The following ACSS3 variants were observed in gnomAD, a reference collection of about 807,000 sequenced individuals.
ACSS3 encodes the protein acyl-CoA synthetase short-chain family member 3, mitochondrial.
Under a neutral mutation model 84.2 loss-of-function variants are expected in ACSS3, and 64 were observed. The observed-to-expected ratio is 0.76, with a 90% CI of 0.62 to 0.94. ACSS3 has a LOEUF of 0.94. Ranked by LOEUF, ACSS3 falls within the 40% of genes least tolerant of loss-of-function variation. ACSS3 has a pLI of 0.00. For synonymous variants in ACSS3, 317 were observed against 310.1 expected, an observed-to-expected ratio of 1.02 and a Z score of -0.23; for missense variants, 815 against 867.6, an observed-to-expected ratio of 0.94 and a Z score of 0.76.
chr12:81,165,633 G>A (rs912506438), intron 7 of ACSS3, among the ~76,000 whole-genome samples: 2 of 150,028 alleles, frequency 1.3e-5, no homozygotes, highest in African/African-American at 4.9e-5. Context: ...GCAACAGAGC[G>A]AGACTCTGTC....
intron 8 of ACSS3, among the ~76,000 whole-genome samples, chr12:81,177,906 C>T (rs921234181): frequency 3.3e-5 from 5 of 152,162 alleles, no homozygotes; most frequent in Admixed American, 1.3e-4. Context: ...GTCAGTGTGG[C>T]GATTCCTCAG....
At chr12:81,102,383 C>T (rs542669700) in intron 1 of ACSS3, among the ~76,000 whole-genome samples, 107 of 152,268 alleles carry the variant, frequency 7.0e-4, no homozygotes, top group African/African-American at 2.5e-3. Context: ...GAAAATTACA[C>T]TCTAGGCCCA....
chr12:81,080,577 G>A (rs1420092634), intron 1 of ACSS3, among the ~76,000 whole-genome samples: 2 of 152,078 alleles, frequency 1.3e-5, no homozygotes, highest in African/African-American at 2.4e-5. Flanking sequence ...GGTTGGGCAA[G>A]CAGGGTTGGG....
Position 81,226,341 on chromosome 12 carries a change from T to C in ACSS3, c.1515-4716T>C, listed in dbSNP as rs2033269683. Reference sequence around the variant, plus strand: ...TTTTTTCCTCAGTGGAGTTTTTTCTTTGATATTTCTGCAACACTGATATTT... The same window carrying C: ...TTTTTTCCTCAGTGGAGTTTTTTCTCTGATATTTCTGCAACACTGATATTT... On this transcript the variant is annotated intron_variant, in intron 11 of 15. Coordinates refer to ENST00000548058, the MANE Select transcript of ACSS3 (RefSeq NM_024560.4). Among the ~76,000 whole-genome samples the C allele has an allele frequency of 4.6e-5, 7 of 151,948 alleles. No homozygotes were observed. In the South Asian group the frequency reaches 1.5e-3, roughly 31 times the overall value.
intron 8 of ACSS3, among the ~76,000 whole-genome samples, chr12:81,182,931 T>C (rs545192619): frequency 1.3e-5 from 2 of 152,252 alleles, no homozygotes; most frequent in Admixed American, 6.5e-5. Flanking sequence ...TGTATTTTCT[T>C]AGAAGCTTCA....
At position 81,254,948 on chromosome 12, in the gene ACSS3, G is replaced by T; in HGVS notation, c.*26G>T. 1 of 1,518,358 alleles carries T rather than the reference G, an allele frequency of 6.6e-7. No individual in the cohort carries two copies. Among genetic ancestry groups the T allele is most frequent in the Non-Finnish European group, 8.9e-7 (1 of 1,121,770 alleles). The allele number at this position is 1,518,358 out of a possible 1,614,324, so 94.1% of individuals were successfully genotyped here. A position where few individuals can be genotyped will look rare whatever the true frequency, so the allele number is the denominator to read the frequency against. On this transcript the variant is annotated 3_prime_UTR_variant, in exon 16 of 16. Coordinates refer to ENST00000548058, the MANE Select transcript of ACSS3 (RefSeq NM_024560.4). ...TGAGTTTGTCTTATTCCTATTTTGA[G>T]TTGATTTAATTTCTTAATTGAAATT...
At chr12:81,145,418 T>C (rs1886294754) in intron 5 of ACSS3, among the ~76,000 whole-genome samples, 1 of 152,164 alleles carries the variant, frequency 6.6e-6, no homozygotes, top group Non-Finnish European at 1.5e-5. Flanking sequence ...TATTGAGTGC[T>C]CAACAGATAC....
chr12:81,131,221 A>G (rs940461646), intron 2 of ACSS3, among the ~76,000 whole-genome samples: 18 of 152,184 alleles, frequency 1.2e-4, no homozygotes, highest in Admixed American at 1.0e-3. Context: ...CTTGGGCAGT[A>G]TGGCCATTTT....
chr12:81,140,730 T>C (rs1209415267), intron 4 of ACSS3, among the ~76,000 whole-genome samples: 4 of 152,180 alleles, frequency 2.6e-5, no homozygotes, highest in Non-Finnish European at 5.9e-5. Flanking sequence ...GCAAAATCAG[T>C]AATATAGAAG....
intron 2 of ACSS3, among the ~76,000 whole-genome samples, chr12:81,128,661 T>C (rs1885277785): frequency 6.6e-6 from 1 of 152,224 alleles, no homozygotes; most frequent in African/African-American, 2.4e-5. Context: ...GTTGAAAAAC[T>C]ATTTATTATA....
intron 2 of ACSS3, among the ~76,000 whole-genome samples, chr12:81,133,242 T>C (rs1295303455): frequency 6.6e-6 from 1 of 152,108 alleles, no homozygotes; most frequent in African/African-American, 2.4e-5. Flanking sequence ...TCTTTAAACT[T>C]GTCCAGAAAG....
chr12:81,256,609 TACTC>T lies in ACSS3; in HGVS notation c.*1689_*1692del, dbSNP rs1428830654. The T allele has an allele frequency of 1.1e-4, 16 of 152,286 alleles. No individual in the cohort carries two copies. Among genetic ancestry groups the T allele is most frequent in the African/African-American group, 1.9e-4 (8 of 41,572 alleles). 9.4% of individuals were successfully genotyped at this position (152,286 alleles called of 1,614,324 possible). On this transcript the variant is annotated 3_prime_UTR_variant, in exon 16 of 16. Transcript: ENST00000548058. The stretch of plus-strand genomic sequence containing the variant: ...TCAAGAGCAGATTGTTGTAACATAA[TACTC>T]AGGATACATGAAATGTATGTGAGAG...
chr12:81,236,306 C>CT (rs1390404507), intron 13 of ACSS3, among the ~76,000 whole-genome samples: 1 of 151,332 alleles, frequency 6.6e-6, no homozygotes, highest in African/African-American at 2.4e-5. Context: ...CTGGGACAAA[C>CT]TTTAAGTGAT....
chr12:81,192,136 C>A (rs191264270), intron 8 of ACSS3, among the ~76,000 whole-genome samples: 94 of 152,104 alleles, frequency 6.2e-4, no homozygotes, highest in African/African-American at 2.2e-3. Flanking sequence ...AATCCCAGCA[C>A]TTTGGGAGGC....
intron 1 of ACSS3, among the ~76,000 whole-genome samples, chr12:81,107,206 T>C (rs1290780065): frequency 3.3e-5 from 5 of 151,436 alleles, no homozygotes; most frequent in African/African-American, 1.2e-4. Flanking sequence ...ATATGGAACA[T>C]GAGATATCAC....
At chr12:81,249,127 T>C (rs190922327) in intron 13 of ACSS3, among the ~76,000 whole-genome samples, 1 of 152,134 alleles carries the variant, frequency 6.6e-6, no homozygotes, top group African/African-American at 2.4e-5. Context: ...AAGCCCAGCA[T>C]TGAGCTAGAC....
intron 7 of ACSS3, among the ~76,000 whole-genome samples, chr12:81,166,578 C>G (rs765324946): frequency 1.3e-5 from 2 of 152,050 alleles, no homozygotes; most frequent in Non-Finnish European, 2.9e-5. Flanking sequence ...AGAAGGGTGA[C>G]GAGAAGGTTT....
intron 15 of ACSS3, among the ~76,000 whole-genome samples, chr12:81,254,642 T>A (rs943284779): frequency 3.7e-4 from 57 of 152,156 alleles, no homozygotes; most frequent in African/African-American, 1.4e-3. Flanking sequence ...ACCATCTAGG[T>A]CCAATAGTTT....
At chr12:81,176,111 A>G (rs1052153215) in intron 8 of ACSS3, among the ~76,000 whole-genome samples, 2 of 152,226 alleles carry the variant, frequency 1.3e-5, no homozygotes, top group African/African-American at 2.4e-5. Flanking sequence ...TAGCTAGACT[A>G]TTTAAAAAAG....
Sources: gnomAD v4.1 joint callset for allele counts (sites outside exome capture counted in the v4.1 genomes callset) on GRCh38, gnomAD v4.1.1 for gene constraint, MANE v1.5 for transcripts, NCBI Gene and HGNC (gene_info 2026-07-23, HGNC 2026-07-21) for gene names.